CSMD3: variants seen among roughly 807,000 people sequenced by gnomAD.
CSMD3 encodes CUB and sushi domain-containing protein 3.
Under a neutral mutation model 435.2 loss-of-function variants are expected in CSMD3, and 177 were observed. The observed-to-expected ratio is 0.41, with a 90% CI of 0.36 to 0.46. The LOEUF is 0.46. Ranked by LOEUF, CSMD3 falls within the 20% of genes least tolerant of loss-of-function variation. CSMD3 has a pLI of 0.34. For missense variants in CSMD3, 4,265 were observed against 4,504.6 expected (o/e 0.95, Z 1.52); for synonymous variants, 1,656 against 1,520.5 (o/e 1.09, Z -2.07).
intron 30 of CSMD3, among the ~76,000 whole-genome samples, chr8:112,501,588 A>G (rs1198870331): frequency 6.6e-6 from 1 of 152,144 alleles, no homozygotes; most frequent in African/African-American, 2.4e-5. Context: ...CTGATTTTTG[A>G]GTTTACATTG....
At chr8:113,399,349 A>G (rs2094499156) in intron 1 of CSMD3, among the ~76,000 whole-genome samples, 1 of 151,568 alleles carries the variant, frequency 6.6e-6, no homozygotes, top group Admixed American at 6.6e-5. Context: ...AAAAATATAC[A>G]TTCACAGAAA....
intron 32 of CSMD3, among the ~76,000 whole-genome samples, chr8:112,447,629 A>G (rs1815754144): frequency 6.6e-6 from 1 of 152,178 alleles, no homozygotes; most frequent in Non-Finnish European, 1.5e-5. Flanking sequence ...CTATCTGGAA[A>G]TAGGCTATTA....
chr8:112,926,776 G>A (rs2082924255), intron 9 of CSMD3, among the ~76,000 whole-genome samples: 2 of 151,954 alleles, frequency 1.3e-5, no homozygotes, highest in South Asian at 4.1e-4. Flanking sequence ...TTGGGTCATA[G>A]AAGAGGATCT....
intron 67 of CSMD3, among the ~76,000 whole-genome samples, chr8:112,235,933 C>G (rs920821208): frequency 6.6e-6 from 1 of 151,662 alleles, no homozygotes; most frequent in Admixed American, 6.6e-5. Context: ...ATTTTGGGCT[C>G]TTTTATAGAA....
intron 27 of CSMD3, among the ~76,000 whole-genome samples, chr8:112,539,471 C>A (rs897034746): frequency 2.0e-5 from 3 of 151,722 alleles, no homozygotes; most frequent in African/African-American, 7.3e-5. Context: ...AATTTGGGAG[C>A]AAAAAGAATA....
At chr8:113,037,412 C>T (rs1189104691) in intron 5 of CSMD3, among the ~76,000 whole-genome samples, 1 of 152,034 alleles carries the variant, frequency 6.6e-6, no homozygotes, top group African/African-American at 2.4e-5. Flanking sequence ...ATTCTCAAGA[C>T]TGATACCTCT....
intron 40 of CSMD3, among the ~76,000 whole-genome samples, chr8:112,349,846 T>A (rs559874263): frequency 8.0e-4 from 122 of 152,306 alleles, no homozygotes; most frequent in Admixed American, 3.9e-3. Flanking sequence ...ATTGTGTGCA[T>A]TTTACGCAGA....
At chr8:113,124,683 G>C (rs1421432123) in intron 4 of CSMD3, among the ~76,000 whole-genome samples, 1 of 151,930 alleles carries the variant, frequency 6.6e-6, no homozygotes, top group Non-Finnish European at 1.5e-5. Context: ...TATATTAATA[G>C]TCATCAGTGA....
At chr8:113,169,531 A>G (rs1415821033) in intron 4 of CSMD3, among the ~76,000 whole-genome samples, 2 of 151,412 alleles carry the variant, frequency 1.3e-5, no homozygotes, top group African/African-American at 2.4e-5. Context: ...ACAATATACC[A>G]CTCTTTTAAA....
intron 16 of CSMD3, among the ~76,000 whole-genome samples, chr8:112,676,677 G>A (rs2075776270): frequency 6.6e-6 from 1 of 152,036 alleles, no homozygotes; most frequent in Non-Finnish European, 1.5e-5. Context: ...ATTCACCAAT[G>A]AATAATAAAT....
chr8:113,334,985 T>G (rs1446578815), intron 1 of CSMD3, among the ~76,000 whole-genome samples: 1 of 152,118 alleles, frequency 6.6e-6, no homozygotes, highest in Non-Finnish European at 1.5e-5. Context: ...TCCCCAATGT[T>G]GGAGGTGGGG....
intron 4 of CSMD3, among the ~76,000 whole-genome samples, chr8:113,100,410 T>C (rs2131553839): frequency 6.6e-6 from 1 of 152,188 alleles, no homozygotes; most frequent in South Asian, 2.1e-4. Context: ...CATAAATCAC[T>C]TCTATTCTTT....
intron 10 of CSMD3, among the ~76,000 whole-genome samples, chr8:112,913,867 T>C (rs2082499443): frequency 6.6e-6 from 1 of 151,864 alleles, no homozygotes; most frequent in African/African-American, 2.4e-5. Flanking sequence ...CTAGGCAGAG[T>C]GGTTCCTTAA....
At position 112,673,416 on chromosome 8, in the gene CSMD3, A is replaced by C. The variant is rs147158414; in HGVS notation, c.2678-7001T>G. ...ACAAAGATTAGAAGCAAAGCCCTGCAGATGGCTATTAAATTACATTATTCT... is the reference window on the plus strand; with the variant it reads ...ACAAAGATTAGAAGCAAAGCCCTGCCGATGGCTATTAAATTACATTATTCT... On this transcript the variant is annotated intron_variant, in intron 16 of 70. Transcript: ENST00000297405. Among the ~76,000 whole-genome samples the C allele has an allele frequency of 4.6e-3, 706 of 152,236 alleles. 11 individuals are homozygous for C. Among genetic ancestry groups the C allele is most frequent in the African/African-American group, 0.016 (683 of 41,564 alleles).
intron 13 of CSMD3, among the ~76,000 whole-genome samples, chr8:112,751,206 C>T (rs993155361): frequency 3.3e-5 from 5 of 152,110 alleles, no homozygotes; most frequent in African/African-American, 7.2e-5. Flanking sequence ...ATAAATTACC[C>T]AGTCTGAGGC....
chr8:112,534,535 T>C (rs1825865457), intron 27 of CSMD3, among the ~76,000 whole-genome samples: 1 of 152,116 alleles, frequency 6.6e-6, no homozygotes, highest in African/African-American at 2.4e-5. Context: ...GTGGCAAAAA[T>C]CAATAGCTTA....
In CSMD3 at chr8:112,244,451, C is replaced by A; in HGVS notation, c.10345G>T (p.Glu3449Ter). 1 of 1,613,918 alleles carries A rather than the reference C, an allele frequency of 6.2e-7. No homozygotes were observed. The highest frequency in any genetic ancestry group is 8.5e-7 in the Non-Finnish European group (1 of 1,179,856). The part of the protein sequence containing the change: ...QPGFFLAGGT[E>*]HRVCRSDNTW... Reference sequence around the variant, plus strand: ...TTATCGGATCTACACACTCTATGTTCTGTTCCACCTGCTAAGAAGAAGCCA... The same window carrying A: ...TTATCGGATCTACACACTCTATGTTATGTTCCACCTGCTAAGAAGAAGCCA... The change falls in exon 65 of 71, where the codon GAA (glutamate) becomes TAA (stop). Residue 3449 changes from glutamate to a stop codon, truncating the protein, a stop_gained. Transcript: ENST00000297405. LOFTEE classifies it high-confidence loss of function.
At chr8:112,754,783 G>A (rs191150814) in intron 13 of CSMD3, among the ~76,000 whole-genome samples, 4 of 152,270 alleles carry the variant, frequency 2.6e-5, no homozygotes, top group Admixed American at 2.0e-4. Context: ...TGTCTGTCCC[G>A]TTGAGGAATA....
At chr8:113,300,583 A>T (rs1329538766) in intron 2 of CSMD3, among the ~76,000 whole-genome samples, 1 of 152,170 alleles carries the variant, frequency 6.6e-6, no homozygotes, top group Non-Finnish European at 1.5e-5. Flanking sequence ...AAATTAATGC[A>T]AGAACAGAAA....
Sources: allele counts gnomAD v4.1 joint callset (sites outside exome capture counted in the v4.1 genomes callset), GRCh38; gene constraint gnomAD v4.1.1; transcripts MANE v1.5; gene names NCBI Gene and HGNC (gene_info 2026-07-23, HGNC 2026-07-21).